The following KSR2 variants were observed in gnomAD, a reference collection of about 807,000 sequenced individuals.
KSR2 encodes the protein kinase suppressor of ras 2.
Under a neutral mutation model 107.8 loss-of-function variants are expected in KSR2, and 25 were observed. The observed-to-expected ratio is 0.23, with a 90% CI of 0.17 to 0.32. The LOEUF (loss-of-function observed/expected upper bound fraction) is 0.32, where lower values mean the gene tolerates loss of function less well. Among genes scored for constraint, KSR2 ranks in the 10% least tolerant of loss-of-function variants. KSR2 has a pLI of 1.00. For synonymous variants in KSR2, 480 were observed against 507.0 expected (o/e 0.95, Z 0.71); for missense variants, 887 against 1,268.9 (o/e 0.70, Z 4.57).
intron 16 of KSR2, 59 bp from the exon 17 acceptor site, chr12:117,476,654 C>G: frequency 6.5e-7 from 1 of 1,532,126 alleles, no homozygotes; most frequent in Non-Finnish European, 8.8e-7. Flanking sequence ...ACCAGTCCCC[C>G]TGGCACTGAC....
chr12:117,575,994 C>A (rs1238654634), intron 7 of KSR2, among the ~76,000 whole-genome samples: 2 of 152,158 alleles, frequency 1.3e-5, no homozygotes, highest in East Asian at 3.8e-4. Context: ...TGACTGCTTC[C>A]AAAGTCTGTG....
At chr12:117,517,687 AG>A in intron 14 of KSR2, 1 of 377,732 alleles carries the variant, frequency 2.6e-6, no homozygotes, top group South Asian at 2.0e-5. Context: ...GCACAATTAA[AG>A]GCAGCCACAG....
At chr12:117,923,851 C>T (rs1352154216) in intron 1 of KSR2, among the ~76,000 whole-genome samples, 1 of 148,670 alleles carries the variant, frequency 6.7e-6, no homozygotes, top group African/African-American at 2.5e-5. Flanking sequence ...TTTTGTGTAA[C>T]AAAGGAGTTG....
At chr12:117,473,571 G>GGTC (rs1204748663) in intron 17 of KSR2, among the ~76,000 whole-genome samples, 1 of 152,152 alleles carries the variant, frequency 6.6e-6, no homozygotes, top group Non-Finnish European at 1.5e-5. Flanking sequence ...CTTGTGGCTG[G>GGTC]CGATTGGAGT....
At chr12:117,528,185 C>T (rs1875354988) in intron 12 of KSR2, among the ~76,000 whole-genome samples, 1 of 151,826 alleles carries the variant, frequency 6.6e-6, no homozygotes, top group Non-Finnish European at 1.5e-5. Context: ...ATGCTGTATG[C>T]CGATAGTATA....
intron 14 of KSR2, among the ~76,000 whole-genome samples, chr12:117,486,316 G>A (rs1225084491): frequency 6.6e-6 from 1 of 152,182 alleles, no homozygotes; most frequent in African/African-American, 2.4e-5. Flanking sequence ...GATGAAAAAG[G>A]ACATTATGCA....
intron 17 of KSR2, among the ~76,000 whole-genome samples, chr12:117,475,471 T>C (rs1259474793): frequency 6.6e-6 from 1 of 152,186 alleles, no homozygotes; most frequent in South Asian, 2.1e-4. Flanking sequence ...CTGGAACACC[T>C]CACCCTGCCC....
At chr12:117,726,025 G>A (rs971834281) in intron 4 of KSR2, among the ~76,000 whole-genome samples, 8 of 151,962 alleles carry the variant, frequency 5.3e-5, no homozygotes, top group African/African-American at 1.7e-4. Context: ...AAAATTAGCT[G>A]GGTGTGGTGG....
intron 5 of KSR2, among the ~76,000 whole-genome samples, chr12:117,586,278 GAA>G (rs1879983098): frequency 6.9e-6 from 1 of 144,012 alleles, no homozygotes; most frequent in Non-Finnish European, 1.5e-5. Flanking sequence ...GGAGAAGAAA[GAA>G]GAAAATAAGA....
At position 117,740,491 on chromosome 12, in the gene KSR2, T is replaced by C. The variant is rs1427164834; in HGVS notation, c.986+20520A>G. 2.2e-5 allele frequency among the ~76,000 whole-genome samples: 3 copies of C among 133,812 alleles called. 1 individual carries two copies. The highest frequency in any genetic ancestry group is 4.7e-5 in the Non-Finnish European group (3 of 63,860). The allele number at this position is 133,812 out of a possible 152,430, so 87.8% of individuals were successfully genotyped here. ...TATGTAATATATAACATATAATATA[T>C]ATGTTATATATTACATTTATATAAT... On this transcript the variant is annotated intron_variant, in intron 4 of 19. Transcript: ENST00000339824.
intron 14 of KSR2, among the ~76,000 whole-genome samples, chr12:117,486,059 T>C (rs1028528626): frequency 6.6e-6 from 1 of 152,222 alleles, no homozygotes; most frequent in African/African-American, 2.4e-5. Context: ...CTGTTGGCCA[T>C]TCACACCAGC....
At chr12:117,694,191 G>T (rs900680006) in intron 4 of KSR2, among the ~76,000 whole-genome samples, 1 of 152,148 alleles carries the variant, frequency 6.6e-6, no homozygotes, top group Non-Finnish European at 1.5e-5. Context: ...GTTTGGCTGC[G>T]TCCACACCCA....
intron 5 of KSR2, among the ~76,000 whole-genome samples, chr12:117,652,115 C>T (rs1048941889): frequency 3.9e-5 from 6 of 151,990 alleles, no homozygotes; most frequent in Middle Eastern, 3.2e-3. Flanking sequence ...GCTATGAGGA[C>T]GCAACGGCAT....
At chr12:117,794,749 A>G (rs1890559503) in intron 3 of KSR2, among the ~76,000 whole-genome samples, 1 of 152,114 alleles carries the variant, frequency 6.6e-6, no homozygotes, top group African/African-American at 2.4e-5. Flanking sequence ...ACCAACATGC[A>G]TACACACACC....
intron 14 of KSR2, among the ~76,000 whole-genome samples, chr12:117,489,548 CAA>C (rs11358177): frequency 2.6e-3 from 225 of 87,168 alleles, no homozygotes; most frequent in Middle Eastern, 0.014. Context: ...GACCCTGTCT[CAA>C]AAAAAAAAAA....
chr12:117,550,318 A>T (rs758265734), intron 9 of KSR2, among the ~76,000 whole-genome samples: 2 of 152,228 alleles, frequency 1.3e-5, no homozygotes, highest in Non-Finnish European at 2.9e-5. Flanking sequence ...AAGCACGTTC[A>T]TCACCCAGGT....
chr12:117,484,351 C>A (rs1872337452), intron 16 of KSR2, 65 bp downstream of exon 16: 1 of 1,586,728 alleles, frequency 6.3e-7, no homozygotes, highest in Non-Finnish European at 8.6e-7. Flanking sequence ...GCCATTTGGA[C>A]TAACTTCCCA....
At chr12:117,530,133 C>A (rs938105267) in intron 12 of KSR2, among the ~76,000 whole-genome samples, 3 of 152,150 alleles carry the variant, frequency 2.0e-5, no homozygotes, top group Non-Finnish European at 4.4e-5. Context: ...TAGCTGCTTG[C>A]ATATATTGTG....
intron 1 of KSR2, among the ~76,000 whole-genome samples, chr12:117,886,833 G>T (rs1894191060): frequency 1.3e-5 from 2 of 151,710 alleles, no homozygotes; most frequent in Non-Finnish European, 2.9e-5. Context: ...TTTTTGCTAT[G>T]TATATTTTAT....
Sources: allele counts gnomAD v4.1 joint callset (sites outside exome capture counted in the v4.1 genomes callset), GRCh38; gene constraint gnomAD v4.1.1; transcripts MANE v1.5; gene names NCBI Gene and HGNC (gene_info 2026-07-23, HGNC 2026-07-21).